The following SIPA1L1 variants were observed in gnomAD, a reference collection of about 807,000 sequenced individuals.
The protein encoded by SIPA1L1 is signal induced proliferation associated 1 like 1, also known as signal-induced proliferation-associated 1-like protein 1.
Under a neutral mutation model 162.7 loss-of-function variants are expected in SIPA1L1, and 26 were observed. The observed-to-expected ratio is 0.16, with a 90% CI of 0.12 to 0.22. SIPA1L1 has a LOEUF of 0.22. Among genes scored for constraint, SIPA1L1 ranks in the 10% least tolerant of loss-of-function variants. The pLI, the probability that SIPA1L1 is intolerant of heterozygous loss-of-function variation, is 1.00. For synonymous variants in SIPA1L1, 829 were observed against 837.4 expected, an observed-to-expected ratio of 0.99 and a Z score of 0.17; for missense variants, 1,874 against 2,241.0, an observed-to-expected ratio of 0.84 and a Z score of 3.31.
chr14:71,514,274 A>G (rs894615435), intron 3 of SIPA1L1, among the ~76,000 whole-genome samples: 1 of 151,986 alleles, frequency 6.6e-6, no homozygotes, highest in African/African-American at 2.4e-5. Context: ...CTTCCCTTGG[A>G]GTGGGTTGTC....
At chr14:71,476,047 G>A (rs986611292) in intron 2 of SIPA1L1, among the ~76,000 whole-genome samples, 2 of 152,212 alleles carry the variant, frequency 1.3e-5, no homozygotes, top group African/African-American at 4.8e-5. Context: ...TGGGCACGTT[G>A]TAGAGGCACC....
At chr14:71,720,370 C>G (rs1441775937) in intron 17 of SIPA1L1, among the ~76,000 whole-genome samples, 1 of 152,090 alleles carries the variant, frequency 6.6e-6, no homozygotes, top group Non-Finnish European at 1.5e-5. Flanking sequence ...CACTTGAGGT[C>G]AGGAGTTTGA....
At position 71,587,744 on chromosome 14, in the gene SIPA1L1, T is replaced by G; in HGVS notation, c.-129T>G. 1 of 871,354 alleles carries G rather than the reference T, an allele frequency of 1.1e-6. No individual in the cohort carries two copies. The highest frequency in any genetic ancestry group is 1.8e-6 in the Non-Finnish European group (1 of 568,086). 54.0% of individuals were successfully genotyped at this position (871,354 alleles called of 1,614,324 possible). On this transcript the variant is annotated 5_prime_UTR_variant, in exon 5 of 24. The change abolishes an upstream ATG in the 5' untranslated region. Coordinates refer to ENST00000381232, the MANE Select transcript of SIPA1L1 (RefSeq NM_001386936.1). The stretch of plus-strand genomic sequence containing the variant: ...ATAAAGCATCATTTAACCTTTTAAA[T>G]GAAAAAGATTAAGATCTCATGCAAC...
chr14:71,481,500 AAAC>A (rs1299429250), intron 2 of SIPA1L1, among the ~76,000 whole-genome samples: 3 of 152,080 alleles, frequency 2.0e-5, no homozygotes, highest in Non-Finnish European at 2.9e-5. Context: ...ACAAACAAAC[AAAC>A]AACAACAACA....
intron 7 of SIPA1L1, among the ~76,000 whole-genome samples, chr14:71,625,347 C>T (rs1464186321): frequency 2.7e-5 from 4 of 150,234 alleles, no homozygotes; most frequent in South Asian, 2.1e-4. Context: ...GTCACCCAGG[C>T]GGAGTGCAGT....
chr14:71,442,610 A>G (rs2044993433), intron 2 of SIPA1L1, among the ~76,000 whole-genome samples: 1 of 152,122 alleles, frequency 6.6e-6, no homozygotes, highest in African/African-American at 2.4e-5. Context: ...ATAGGAAAAT[A>G]GGAGAAAACA....
At chr14:71,555,253 T>C (rs1268761721) in intron 4 of SIPA1L1, among the ~76,000 whole-genome samples, 1 of 152,236 alleles carries the variant, frequency 6.6e-6, no homozygotes, top group Non-Finnish European at 1.5e-5. Flanking sequence ...AGTCACCTTA[T>C]CAATCATTTT....
chr14:71,613,693 C>T (rs2038485643), intron 5 of SIPA1L1, among the ~76,000 whole-genome samples: 1 of 152,180 alleles, frequency 6.6e-6, no homozygotes, highest in Admixed American at 6.5e-5. Context: ...CCCTGCTAAA[C>T]TTTTCACTTC....
chr14:71,392,873 A>G (rs943265200), intron 2 of SIPA1L1, among the ~76,000 whole-genome samples: 1 of 152,218 alleles, frequency 6.6e-6, no homozygotes, highest in South Asian at 2.1e-4. Flanking sequence ...CCTTAAATAC[A>G]GGGATTATGT....
chr14:71,604,364 A>C (rs965876232), intron 5 of SIPA1L1, among the ~76,000 whole-genome samples: 16 of 151,960 alleles, frequency 1.1e-4, no homozygotes, highest in African/African-American at 3.9e-4. Context: ...GCTGGTCTCA[A>C]ACTACTAGGT....
In SIPA1L1 at chr14:71,604,290, C is replaced by T. The variant is rs529633173; in HGVS notation, c.1499-14467C>T. Among the ~76,000 whole-genome samples, 38 of 152,142 alleles carry T rather than the reference C, an allele frequency of 2.5e-4. No homozygotes were observed. In the East Asian group the frequency reaches 6.4e-3, roughly 26 times the overall value. ...AACAATATAGGTTTGAGCAACTGCA[C>T]CTGGCCTTAGCTAATTTTTTTAAAA... is the stretch of plus-strand genomic sequence containing the variant. On this transcript the variant is annotated intron_variant, in intron 5 of 23. Transcript: ENST00000381232.
intron 2 of SIPA1L1, among the ~76,000 whole-genome samples, chr14:71,324,535 A>G (rs113733977): frequency 8.5e-5 from 13 of 152,222 alleles, no homozygotes; most frequent in African/African-American, 3.1e-4. Flanking sequence ...TTGTAAAGCT[A>G]TGAAAACAAC....
intron 2 of SIPA1L1, among the ~76,000 whole-genome samples, chr14:71,332,667 A>G (rs1400564998): frequency 5.9e-5 from 9 of 152,256 alleles, no homozygotes; most frequent in African/African-American, 1.9e-4. Context: ...CTGGAAAGCT[A>G]GTTATGACTA....
chr14:71,634,973 G>A (rs1371946500), intron 7 of SIPA1L1, among the ~76,000 whole-genome samples: 1 of 147,410 alleles, frequency 6.8e-6, no homozygotes, highest in Admixed American at 6.8e-5. Flanking sequence ...AAACAGAAAG[G>A]AAGTGATAAA....
chr14:71,324,214 T>C (rs2033513157), intron 2 of SIPA1L1, among the ~76,000 whole-genome samples: 1 of 152,228 alleles, frequency 6.6e-6, no homozygotes, highest in South Asian at 2.1e-4. Flanking sequence ...TTGGACAGAT[T>C]CATGGATTGT....
intron 2 of SIPA1L1, among the ~76,000 whole-genome samples, chr14:71,452,477 T>C (rs898683596): frequency 2.0e-5 from 3 of 152,202 alleles, no homozygotes; most frequent in Admixed American, 6.5e-5. Flanking sequence ...AATACTGTTA[T>C]AGTATTTTTA....
At chr14:71,328,708 T>C (rs1205645706) in intron 2 of SIPA1L1, among the ~76,000 whole-genome samples, 1 of 152,212 alleles carries the variant, frequency 6.6e-6, no homozygotes, top group Non-Finnish European at 1.5e-5. Flanking sequence ...TCAGACTGCT[T>C]AGACTCCTGC....
intron 23 of SIPA1L1, among the ~76,000 whole-genome samples, chr14:71,738,755 C>A (rs2085549212): frequency 6.6e-6 from 1 of 152,122 alleles, no homozygotes; most frequent in Non-Finnish European, 1.5e-5. Flanking sequence ...TCCTGACTAA[C>A]AAGGATGTTA....
At chr14:71,725,729 G>C (rs1055774763) in intron 19 of SIPA1L1, among the ~76,000 whole-genome samples, 1 of 152,284 alleles carries the variant, frequency 6.6e-6, no homozygotes, top group East Asian at 1.9e-4. Context: ...TCTGAGTATA[G>C]GTATTTCTGT....
Sources: allele counts gnomAD v4.1 joint callset (sites outside exome capture counted in the v4.1 genomes callset), GRCh38; gene constraint gnomAD v4.1.1; transcripts MANE v1.5; gene names NCBI Gene and HGNC (gene_info 2026-07-23, HGNC 2026-07-21).